Variants in SYNPO2 observed in about 807,000 individuals in gnomAD.
SYNPO2 encodes the protein synaptopodin-2.
Under a neutral mutation model 85.0 loss-of-function variants are expected in SYNPO2, and 56 were observed. The observed-to-expected ratio is 0.66, with a 90% CI of 0.53 to 0.82. The LOEUF (loss-of-function observed/expected upper bound fraction) is 0.82. Among genes scored for constraint, SYNPO2 ranks in the 40% least tolerant of loss-of-function variants. The pLI is 0.00. For synonymous variants in SYNPO2, 602 were observed against 591.1 expected (o/e 1.02, Z -0.27); for missense variants, 1,575 against 1,534.2 (o/e 1.03, Z -0.44).
rs1738229670 is a variant in SYNPO2 at position 119,031,085 on chromosome 4, C to T, written c.2310C>T (p.Ser770=). The T allele has an allele frequency of 1.2e-6, 2 of 1,614,060 alleles. No homozygotes were observed. Among genetic ancestry groups the T allele is most frequent in the Non-Finnish European group, 8.5e-7 (1 of 1,180,004 alleles). ...AACCTGCAGTCAAGTCCTCATCCTC[C>T]CAACCAGTAACTCCAGTTTCCCCAG... ...APKPAVKSSS[S]QPVTPVSPVW... The change falls in exon 4 of 5, where the codon TCC becomes TCT. Residue 770 remains serine, a synonymous_variant. Coordinates refer to ENST00000307142, the MANE Select transcript of SYNPO2 (RefSeq NM_133477.3).
At chr4:118,896,076 T>G (rs1301133550) in intron 1 of SYNPO2, among the ~76,000 whole-genome samples, 2 of 152,176 alleles carry the variant, frequency 1.3e-5, no homozygotes, top group Admixed American at 1.3e-4. Context: ...CAAAGTTAAA[T>G]ATAATTCTTT....
At chr4:119,041,711 GAACT>G (rs1738721634) in intron 4 of SYNPO2, among the ~76,000 whole-genome samples, 1 of 152,126 alleles carries the variant, frequency 6.6e-6, no homozygotes, top group Admixed American at 6.5e-5. Flanking sequence ...TACATTGAAT[GAACT>G]AATATGATTT....
In SYNPO2 at chr4:118,888,987, G is replaced by C. The variant is rs774728048; in HGVS notation, c.-50G>C. The C allele has an allele frequency of 4.7e-5, 75 of 1,594,986 alleles. No homozygotes were observed. Among genetic ancestry groups the C allele is most frequent in the Non-Finnish European group, 6.3e-5 (73 of 1,164,016 alleles). Reference sequence around the variant, plus strand: ...AGTGCGCATCCTCTACCGCACCCAAGCTTCGTCTGTCTCGTCAAGCTCTTC... The same window carrying C: ...AGTGCGCATCCTCTACCGCACCCAACCTTCGTCTGTCTCGTCAAGCTCTTC... On this transcript the variant is annotated 5_prime_UTR_variant, in exon 1 of 5. Coordinates refer to ENST00000307142, the MANE Select transcript of SYNPO2 (RefSeq NM_133477.3).
intron 1 of SYNPO2, among the ~76,000 whole-genome samples, chr4:118,872,348 G>A (rs1017026238): frequency 2.0e-5 from 3 of 152,144 alleles, no homozygotes; most frequent in Non-Finnish European, 4.4e-5. Context: ...GTGGTCATAA[G>A]ATGTTTGTGG....
intron 1 of SYNPO2, among the ~76,000 whole-genome samples, chr4:118,903,958 C>T (rs1270042746): frequency 3.3e-5 from 5 of 152,004 alleles, no homozygotes; most frequent in East Asian, 3.9e-4. Flanking sequence ...CCTCGTGATC[C>T]GCCCACCTCA....
At chr4:118,955,530 A>G (rs1734845407) in intron 1 of SYNPO2, among the ~76,000 whole-genome samples, 2 of 152,154 alleles carry the variant, frequency 1.3e-5, no homozygotes, top group South Asian at 4.1e-4. Context: ...GAAGAAAACT[A>G]TTGAATTGGG....
chr4:118,991,645 A>T (rs752819530), intron 1 of SYNPO2, among the ~76,000 whole-genome samples: 1 of 152,192 alleles, frequency 6.6e-6, no homozygotes, highest in Non-Finnish European at 1.5e-5. Flanking sequence ...TATGTTGCCT[A>T]TTGAAGCTCC....
chr4:118,926,932 C>A (rs995248637), intron 1 of SYNPO2, among the ~76,000 whole-genome samples: 1 of 152,110 alleles, frequency 6.6e-6, no homozygotes, highest in Non-Finnish European at 1.5e-5. Flanking sequence ...ATGCGGGATG[C>A]CACTTGGTTA....
chr4:118,951,344 A>G (rs1734689689), intron 1 of SYNPO2, among the ~76,000 whole-genome samples: 1 of 152,134 alleles, frequency 6.6e-6, no homozygotes, highest in East Asian at 1.9e-4. Flanking sequence ...GAAAGGGAGA[A>G]CTGGTCCCCT....
intron 1 of SYNPO2, among the ~76,000 whole-genome samples, chr4:118,890,896 A>G (rs1196474260): frequency 2.0e-5 from 3 of 152,024 alleles, no homozygotes; most frequent in African/African-American, 4.8e-5. Flanking sequence ...TTGCCTACTA[A>G]TTGAAATATG....
chr4:118,998,880 CTGTTTTTGTTTT>C (rs148233728), intron 1 of SYNPO2, among the ~76,000 whole-genome samples: 3 of 151,946 alleles, frequency 2.0e-5, no homozygotes, highest in East Asian at 3.9e-4. Flanking sequence ...CTCTCTTACT[CTGTTTTTGTTTT>C]TGTTTTTGTT....
At chr4:118,965,910 T>C (rs1270684821) in intron 1 of SYNPO2, among the ~76,000 whole-genome samples, 4 of 146,478 alleles carry the variant, frequency 2.7e-5, no homozygotes, top group Non-Finnish European at 4.5e-5. Flanking sequence ...TATGAGGCCC[T>C]GTCACTACAA....
intron 1 of SYNPO2, among the ~76,000 whole-genome samples, chr4:118,956,772 C>T (rs891249872): frequency 8.6e-5 from 13 of 151,990 alleles, no homozygotes; most frequent in African/African-American, 2.9e-4. Flanking sequence ...TGGCTGGACA[C>T]GGTGGCTCAT....
chr4:118,999,195 C>T (rs1044411941), intron 1 of SYNPO2, among the ~76,000 whole-genome samples: 6 of 152,324 alleles, frequency 3.9e-5, no homozygotes, highest in Admixed American at 1.3e-4. Flanking sequence ...TCACCCCAGG[C>T]TGGAGTGCAG....
At chr4:118,903,316 A>G (rs182742383) in intron 1 of SYNPO2, among the ~76,000 whole-genome samples, 68 of 152,296 alleles carry the variant, frequency 4.5e-4, no homozygotes, top group African/African-American at 1.6e-3. Context: ...AGCTCATGAG[A>G]AAGCCTCTTT....
intron 4 of SYNPO2, chr4:119,032,346 C>T (rs1244714353): frequency 8.0e-7 from 1 of 1,255,546 alleles, no homozygotes; most frequent in Non-Finnish European, 1.0e-6. Flanking sequence ...GCTGTAGCCA[C>T]AAGAAAGACA....
chr4:119,044,562 A>C (rs1027214721), intron 4 of SYNPO2, among the ~76,000 whole-genome samples: 5 of 151,908 alleles, frequency 3.3e-5, no homozygotes, highest in Non-Finnish European at 7.4e-5. Context: ...ATGGAGTCTC[A>C]CTCTGTCGCC....
intron 1 of SYNPO2, among the ~76,000 whole-genome samples, chr4:118,954,325 T>C (rs1197764655): frequency 6.6e-6 from 1 of 152,204 alleles, no homozygotes; most frequent in Non-Finnish European, 1.5e-5. Flanking sequence ...TCTCGCTCTT[T>C]CTTTTTTTTC....
chr4:118,939,021 A>G (rs1050247139), intron 1 of SYNPO2, among the ~76,000 whole-genome samples: 8 of 152,178 alleles, frequency 5.3e-5, no homozygotes, highest in Non-Finnish European at 1.2e-4. Flanking sequence ...TGCCCTGTGT[A>G]AAAGGATTAT....
Sources: gnomAD v4.1 joint callset for allele counts (sites outside exome capture counted in the v4.1 genomes callset) on GRCh38, gnomAD v4.1.1 for gene constraint, MANE v1.5 for transcripts, NCBI Gene and HGNC (gene_info 2026-07-23, HGNC 2026-07-21) for gene names.